The following COL4A5 variants were observed in gnomAD, a reference collection of about 807,000 sequenced individuals.
COL4A5 encodes the protein collagen alpha-5(IV) chain.
A neutral mutation model predicts 130.2 loss-of-function variants in COL4A5; 26 were observed. That is an observed-to-expected ratio of 0.20 (90% CI 0.15 to 0.28). COL4A5 has a LOEUF of 0.28. Among genes scored for constraint, COL4A5 ranks in the 10% least tolerant of loss-of-function variants. The pLI, the probability that COL4A5 is intolerant of heterozygous loss-of-function variation, is 1.00. For missense variants in COL4A5, 1,131 were observed against 1,344.3 expected (o/e 0.84, Z 2.48); for synonymous variants, 496 against 439.6 (o/e 1.13, Z -1.60).
intron 36 of COL4A5, among the ~76,000 whole-genome samples, chrX:108,631,302 C>T (rs1244915968): frequency 3.6e-5 from 4 of 111,801 alleles, no homozygotes; most frequent in African/African-American, 6.5e-5. Context: ...GAATGTTCTT[C>T]TATTTGTTTG....
chrX:108,675,720 T>A (rs1287980447), intron 43 of COL4A5, among the ~76,000 whole-genome samples: 1 of 111,657 alleles, frequency 9.0e-6, no homozygotes, highest in Non-Finnish European at 1.9e-5. Flanking sequence ...TGAAATTACA[T>A]AGAAATACCT....
chrX:108,492,596 A>G (rs1374051723), intron 1 of COL4A5, among the ~76,000 whole-genome samples: 1 of 111,805 alleles, frequency 8.9e-6, no homozygotes, highest in Non-Finnish European at 1.9e-5. Context: ...AGAGTCATTA[A>G]TCTGCTATTT....
chrX:108,674,610 C>A, intron 42 of COL4A5, 135 bp from the exon 43 acceptor site: 3 of 654,773 alleles, frequency 4.6e-6, no homozygotes, highest in Non-Finnish European at 7.0e-6. Context: ...ATAAGAAATG[C>A]TGGCAAAGAA....
chrX:108,563,838 G>C, intron 3 of COL4A5, 44 bp from the exon 4 acceptor site: 1 of 1,107,566 alleles, frequency 9.0e-7, no homozygotes, highest in Non-Finnish European at 1.2e-6. Context: ...GTTATTTGAG[G>C]ACTTTTTTGA....
intron 1 of COL4A5, among the ~76,000 whole-genome samples, chrX:108,479,968 G>A (rs944846241): frequency 9.0e-6 from 1 of 111,525 alleles, no homozygotes; most frequent in Admixed American, 9.6e-5. Context: ...ACCTATGGGG[G>A]CCTGCCAAAG....
At chrX:108,597,600 T>G in intron 24 of COL4A5, 32 bp downstream of exon 24, 1 of 1,149,856 alleles carries the variant, frequency 8.7e-7, no homozygotes. Context: ...GGTTTTGTGA[T>G]GTTAAATTTT....
intron 36 of COL4A5, among the ~76,000 whole-genome samples, chrX:108,654,237 T>C (rs2067790852): frequency 8.9e-6 from 1 of 112,624 alleles, no homozygotes; most frequent in African/African-American, 3.2e-5. Context: ...CTTCTAAGGC[T>C]CTATTGGAAA....
intron 1 of COL4A5, among the ~76,000 whole-genome samples, chrX:108,481,247 T>TGGG (rs200121570): frequency 0.03 from 3,310 of 111,267 alleles, 119 homozygotes; most frequent in African/African-American, 0.1. Context: ...CCGAAATATC[T>TGGG]GACCATTTCC....
chrX:108,550,886 A>G (rs1466491850), intron 2 of COL4A5, among the ~76,000 whole-genome samples: 3 of 111,497 alleles, frequency 2.7e-5, no homozygotes, highest in Admixed American at 9.6e-5. Context: ...TTGTATGAGC[A>G]ATGGGGAAAT....
chrX:108,646,983 G>C (rs886298051), intron 36 of COL4A5, among the ~76,000 whole-genome samples: 22 of 110,542 alleles, frequency 2.0e-4, no homozygotes, highest in African/African-American at 6.4e-4. Flanking sequence ...GGTGACTGTA[G>C]CCTTGTAGTA....
chrX:108,644,524 C>G (rs888029408), intron 36 of COL4A5, among the ~76,000 whole-genome samples: 3 of 111,823 alleles, frequency 2.7e-5, no homozygotes, highest in African/African-American at 9.8e-5. Context: ...ACATTGAAAT[C>G]ATGTCAAGCA....
At chrX:108,684,970 A>G (rs2068516446) in intron 47 of COL4A5, among the ~76,000 whole-genome samples, 1 of 112,452 alleles carries the variant, frequency 8.9e-6, no homozygotes, top group African/African-American at 3.2e-5. Context: ...AATAGACGTA[A>G]CCCATCACAT....
At chrX:108,582,647 A>G in intron 16 of COL4A5, 1 of 391,804 alleles carries the variant, frequency 2.6e-6, no homozygotes, top group Non-Finnish European at 4.5e-6. Context: ...TGGTAGGAAT[A>G]GAGCAAGTTA....
At chrX:108,614,296 C>G (rs900592502) in intron 29 of COL4A5, among the ~76,000 whole-genome samples, 1 of 111,454 alleles carries the variant, frequency 9.0e-6, no homozygotes, top group Non-Finnish European at 1.9e-5. Context: ...CGCACAGGGG[C>G]TTTTTTGGGT....
intron 36 of COL4A5, among the ~76,000 whole-genome samples, chrX:108,633,868 G>A (rs1385569603): frequency 1.8e-5 from 2 of 111,627 alleles, no homozygotes; most frequent in Non-Finnish European, 3.8e-5. Flanking sequence ...TTTTAGCTCA[G>A]TTCTATTAGG....
chrX:108,546,070 AGTCTGG>A (rs2147681605), intron 2 of COL4A5, among the ~76,000 whole-genome samples: 1 of 111,956 alleles, frequency 8.9e-6, no homozygotes, highest in African/African-American at 3.2e-5. Flanking sequence ...CCAATTTGCC[AGTCTGG>A]GTCTTTTAAT....
chrX:108,561,502 C>G (rs1439066433), intron 3 of COL4A5, among the ~76,000 whole-genome samples: 1 of 108,745 alleles, frequency 9.2e-6, no homozygotes, highest in African/African-American at 3.4e-5. Flanking sequence ...ACTTAAGACT[C>G]AGAGAATTTT....
At chrX:108,527,175 T>G (rs909280249) in intron 1 of COL4A5, among the ~76,000 whole-genome samples, 1 of 111,698 alleles carries the variant, frequency 9.0e-6, no homozygotes, top group Non-Finnish European at 1.9e-5. Flanking sequence ...CTTAATGTAA[T>G]TACTGATATA....
intron 36 of COL4A5, among the ~76,000 whole-genome samples, chrX:108,636,939 CTTTTTTTTTTT>C (rs59497827): frequency 7.9e-5 from 6 of 76,392 alleles, no homozygotes; most frequent in South Asian, 6.8e-4. Context: ...AATGTAATGT[CTTTTTTTTTTT>C]TTTTTTTTTT....
Sources: allele counts gnomAD v4.1 joint callset (sites outside exome capture counted in the v4.1 genomes callset), GRCh38; gene constraint gnomAD v4.1.1; transcripts MANE v1.5; gene names NCBI Gene and HGNC (gene_info 2026-07-23, HGNC 2026-07-21).